FBN3: variants seen among roughly 807,000 people sequenced by gnomAD.
FBN3 encodes fibrillin-3.
FBN3 carries 234 observed loss-of-function variants against 330.1 expected under a neutral mutation model. The ratio of observed to expected loss-of-function variants is 0.71; its 90% CI spans 0.64 to 0.79. The LOEUF is 0.79. Ranked by LOEUF, FBN3 falls within the 30% of genes least tolerant of loss-of-function variation. The pLI is 0.00. For missense variants in FBN3, 3,606 were observed against 3,886.9 expected, an observed-to-expected ratio of 0.93 and a Z score of 1.92; for synonymous variants, 1,458 against 1,517.3, an observed-to-expected ratio of 0.96 and a Z score of 0.91.
rs1331305676 is a variant in FBN3, at chr19:8,131,537, G to A, written c.1990+17C>T. ...CAGACCAAGGAGGCGATGGGGACCG[G>A]GCAGCCGGATGCTCACCGGAGTCTT... On this transcript the variant is annotated intron_variant, in intron 15 of 63. Transcript: ENST00000600128. The surrounding 1 kb of genome is among the most constrained non-coding windows in gnomAD (Gnocchi z 4.5). 1.3e-6 allele frequency: 2 copies of A among 1,592,298 alleles called. No individual in the cohort carries two copies. Among genetic ancestry groups the A allele is most frequent in the Non-Finnish European group, 1.7e-6 (2 of 1,166,818 alleles).
At position 8,109,741 on chromosome 19, in the gene FBN3, C is replaced by T; in HGVS notation, c.4346G>A (p.Cys1449Tyr). The change falls in exon 35 of 64, where the codon TGT becomes TAT. Residue 1449 changes from cysteine (C) to tyrosine (Y), a missense_variant. Physicochemically the swap from Cys to Tyr is radical, Grantham distance 194. Coordinates refer to ENST00000600128, the MANE Select transcript of FBN3 (RefSeq NM_032447.5). This position sits in a 1 kb window ranked among gnomAD's most constrained non-coding sequence, Gnocchi z 5.2. ...GTTGATGCAGTTTACTGGGTCTGCA[C>T]ACTCGTTGATGTCTGTAGGGAGGAA... ...GGGNCTDINE[C>Y]ADPVNCINGV... 1 of 1,522,762 alleles carries T rather than the reference C, an allele frequency of 6.6e-7. No individual in the cohort carries two copies. The highest frequency in any genetic ancestry group is 8.8e-7 in the Non-Finnish European group (1 of 1,135,294). The allele number at this position is 1,522,762 out of a possible 1,614,324, so 94.3% of individuals were successfully genotyped here. A position where few individuals can be genotyped will look rare whatever the true frequency, so the allele number is the denominator to read the frequency against.
intron 39 of FBN3, 98 bp downstream of exon 39, chr19:8,103,463 AC>A: frequency 1.6e-6 from 2 of 1,260,090 alleles, no homozygotes; most frequent in Non-Finnish European, 2.2e-6. Flanking sequence ...ATATATGCTT[AC>A]CCTCCCTCTC....
At position 8,129,450 on chromosome 19, in the gene FBN3, G is replaced by T; in HGVS notation, c.2045-85C>A. Reference sequence around the variant, plus strand: ...GAGGGTGTGTCGCGGCGCACCAGGGGTCTCTAGAAGTCAGATTCCCCAAGG... The same window carrying T: ...GAGGGTGTGTCGCGGCGCACCAGGGTTCTCTAGAAGTCAGATTCCCCAAGG... On this transcript the variant is annotated intron_variant, in intron 16 of 63. Coordinates refer to ENST00000600128, the MANE Select transcript of FBN3 (RefSeq NM_032447.5). This position sits in a 1 kb window ranked among gnomAD's most constrained non-coding sequence, Gnocchi z 4.5. The T allele has an allele frequency of 6.5e-7, 1 of 1,535,782 alleles. No individual in the cohort carries two copies. The highest frequency in any genetic ancestry group is 8.9e-7 in the Non-Finnish European group (1 of 1,129,932).
At chr19:8,093,775 A>G (rs1314645698) in intron 47 of FBN3, among the ~76,000 whole-genome samples, 1 of 141,490 alleles carries the variant, frequency 7.1e-6, no homozygotes, top group Non-Finnish European at 1.5e-5. Context: ...AACAAAAAAC[A>G]AACAAACAAA....
At chr19:8,137,143 G>A (rs564375292) in intron 10 of FBN3, among the ~76,000 whole-genome samples, 2 of 149,878 alleles carry the variant, frequency 1.3e-5, no homozygotes, top group Non-Finnish European at 3.0e-5. Context: ...CTCCAACCTG[G>A]TGCCTAGATC....
In FBN3 at chr19:8,111,217, C is replaced by T. The variant is rs180750892; in HGVS notation, c.4085-34G>A. 58 of 1,561,530 alleles carry T rather than the reference C, an allele frequency of 3.7e-5. No individual in the cohort carries two copies. In the East Asian group the frequency reaches 8.1e-4, roughly 22 times the overall value. ...CCCCAAGATTCGGAGGGCTGGAGGC[C>T]GGTGGACCAGGACCCACACAGGGTG... On this transcript the variant is annotated intron_variant, in intron 32 of 63. Transcript: ENST00000600128.
intron 46 of FBN3, among the ~76,000 whole-genome samples, chr19:8,094,916 C>T (rs1163180863): frequency 1.3e-5 from 2 of 152,324 alleles, no homozygotes; most frequent in South Asian, 2.1e-4. Flanking sequence ...CCTCACCCTA[C>T]ACAACAAACC....
In FBN3 at chr19:8,126,630, G is replaced by A. The variant is rs752416395; in HGVS notation, c.2417-25C>T. On this transcript the variant is annotated intron_variant, in intron 19 of 63. Coordinates refer to ENST00000600128, the MANE Select transcript of FBN3 (RefSeq NM_032447.5). ...TCTGGGGAGAAGAGGCGGGTCACCT[G>A]TCTCACCTGCCGGCCCTACACCTGC... 6 of 1,603,072 alleles carry A rather than the reference G, an allele frequency of 3.7e-6. No homozygotes were observed. In the Admixed American group the frequency reaches 8.4e-5, roughly 22 times the overall value.
Position 8,117,158 on chromosome 19 carries a change from T to C in FBN3, c.3586+11A>G. 6.2e-7 allele frequency: 1 copy of C among 1,613,900 alleles called. No homozygotes were observed. Among genetic ancestry groups the C allele is most frequent in the Non-Finnish European group, 8.5e-7 (1 of 1,179,912 alleles). On this transcript the variant is annotated intron_variant, in intron 28 of 63. Transcript: ENST00000600128. ...CACACCAGGCAGTGGGAAGAAGTTG[T>C]GCCCACCTACCTGCACATGCCCTTC...
In FBN3 at chr19:8,130,659, G is replaced by GAAAAGAAAAGAAAAGAAAA. The variant is rs2083121374; in HGVS notation, c.2044+575_2044+576insTTTTCTTTTCTTTTCTTTT. Among the ~76,000 whole-genome samples, 6 of 37,262 alleles carry GAAAAGAAAAGAAAAGAAAA rather than the reference G, an allele frequency of 1.6e-4. 2 individuals carry two copies. Among genetic ancestry groups the GAAAAGAAAAGAAAAGAAAA allele is most frequent in the African/African-American group, 8.4e-4 (6 of 7,142 alleles). 24.4% of individuals were successfully genotyped at this position (37,262 alleles called of 152,430 possible). On this transcript the variant is annotated intron_variant, in intron 16 of 63. Coordinates refer to ENST00000600128, the MANE Select transcript of FBN3 (RefSeq NM_032447.5). ...AAGAAAGAAAGGAAAGGAAAGGAAAGGAAAAGAAAAGAAAAGAAAAGAAAA... is the reference window on the plus strand; with the variant it reads ...AAGAAAGAAAGGAAAGGAAAGGAAAGAAAAGAAAAGAAAAGAAAAGAAAAGAAAAGAAAAGAAAAGAAAA...
At chr19:8,148,514 G>A (rs1011535393) in intron 1 of FBN3, among the ~76,000 whole-genome samples, 4 of 152,198 alleles carry the variant, frequency 2.6e-5, no homozygotes, top group South Asian at 2.1e-4. Context: ...AACGGAACTC[G>A]CTCCTGCCCC....
intron 30 of FBN3, among the ~76,000 whole-genome samples, chr19:8,114,868 A>C (rs1220646931): frequency 2.7e-5 from 4 of 150,922 alleles, no homozygotes; most frequent in African/African-American, 4.9e-5. Context: ...CAGCCTCCTG[A>C]ATTTACTTAT....
rs1192325754 is a variant in FBN3 at position 8,088,084 on chromosome 19, G to C, written c.6472C>G (p.Pro2158Ala). The C allele has an allele frequency of 6.2e-7, 1 of 1,614,072 alleles. No homozygotes were observed. The highest frequency in any genetic ancestry group is 1.1e-5 in the South Asian group (1 of 91,080). ...FECACADGFE[P>A]GLMMTCEDID... is the part of the protein sequence containing the mutation. The stretch of plus-strand genomic sequence containing the variant: ...CCCTCGCAGGTCATCATGAGGCCAG[G>C]CTCAAAGCCGTCAGCACAGGCACAT... The change falls in exon 52 of 64, where the codon CCT becomes GCT. Residue 2158 changes from proline to alanine, a missense_variant. Transcript: ENST00000600128.
At chr19:8,116,067 A>G (rs1648994579) in intron 29 of FBN3, among the ~76,000 whole-genome samples, 1 of 152,088 alleles carries the variant, frequency 6.6e-6, no homozygotes, top group African/African-American at 2.4e-5. Flanking sequence ...TCGCTGAAGC[A>G]CTTGCTCTCT....
chr19:8,094,637 A>G (rs2082172682), intron 46 of FBN3, 72 bp from the exon 47 acceptor site: 3 of 1,518,936 alleles, frequency 2.0e-6, no homozygotes, highest in South Asian at 1.2e-5. Context: ...TGGGACCAAC[A>G]CCTGCAATCA....
chr19:8,109,694 CG>C lies in FBN3; in HGVS notation c.4392del (p.Gly1465AlafsTer13). ...NCINGVCINT[P>X]GSYLCSCPQD... The stretch of plus-strand genomic sequence containing the variant: ...TGGGGGCAGCTGCAGAGGTAGCTGC[CG>C]GGGGTGTTAATGCACACGCCGTTGA... On this transcript the variant is annotated frameshift_variant, in exon 35 of 64. Coordinates refer to ENST00000600128, the MANE Select transcript of FBN3 (RefSeq NM_032447.5). LOFTEE classifies it high-confidence loss of function. This position sits in a 1 kb window ranked among gnomAD's most constrained non-coding sequence, Gnocchi z 5.2. 1 of 1,561,194 alleles carries C rather than the reference CG, an allele frequency of 6.4e-7. No homozygotes were observed. Among genetic ancestry groups the C allele is most frequent in the Non-Finnish European group, 8.7e-7 (1 of 1,156,012 alleles).
At chr19:8,100,027 G>A (rs2082294896) in intron 41 of FBN3, among the ~76,000 whole-genome samples, 1 of 151,328 alleles carries the variant, frequency 6.6e-6, no homozygotes, top group South Asian at 2.1e-4. Flanking sequence ...AAAAAAAAAG[G>A]GCATGGAGCA....
At chr19:8,072,966 CGTGT>C (rs60155490) in intron 62 of FBN3, 93 bp downstream of exon 62, 15,678 of 641,432 alleles carry the variant, frequency 0.024, 20 homozygotes, top group East Asian at 0.084. Context: ...CACAAAGCCC[CGTGT>C]GTGTGTGTGT....
At chr19:8,115,739 G>A in intron 29 of FBN3, 99 bp from the exon 30 acceptor site, 1 of 1,395,566 alleles carries the variant, frequency 7.2e-7, no homozygotes. Flanking sequence ...ATTCCTGACT[G>A]TCCCGCCGCA....
Sources: gnomAD v4.1 joint callset for allele counts (sites outside exome capture counted in the v4.1 genomes callset) on GRCh38, gnomAD v4.1.1 for gene constraint, Gnocchi (gnomAD v3.1) non-coding constraint, MANE v1.5 for transcripts, NCBI Gene and HGNC (gene_info 2026-07-23, HGNC 2026-07-21) for gene names.